PCDHA1: variants seen among roughly 807,000 people sequenced by gnomAD.
PCDHA1 encodes the protein protocadherin alpha-1.
PCDHA1 carries 42 observed loss-of-function variants against 61.3 expected under a neutral mutation model. That is an observed-to-expected ratio of 0.69 (90% CI 0.54 to 0.89). PCDHA1 has a LOEUF of 0.89. Among genes scored for constraint, PCDHA1 ranks in the 40% least tolerant of loss-of-function variants. The pLI, the probability that PCDHA1 is intolerant of heterozygous loss-of-function variation, is 0.00. For synonymous variants in PCDHA1, 610 were observed against 553.8 expected (o/e 1.10, Z -1.43); for missense variants, 1,256 against 1,235.3 (o/e 1.02, Z -0.25).
intron 1 of PCDHA1, chr5:140,870,869 T>C (rs371526005): frequency 8.1e-6 from 13 of 1,613,770 alleles, no homozygotes; most frequent in Non-Finnish European, 1.1e-5. Context: ...GCGGGCCACG[T>C]GGTGGCGAAG....
chr5:140,800,098 G>A (rs1249597216), intron 1 of PCDHA1, among the ~76,000 whole-genome samples: 2 of 152,118 alleles, frequency 1.3e-5, no homozygotes, highest in East Asian at 3.9e-4. Flanking sequence ...ATCAGGAGTG[G>A]AGATCATCAA....
In PCDHA1 at chr5:140,852,367, T is replaced by C. The variant is rs2150515720; in HGVS notation, c.2394+63683T>C. On this transcript the variant is annotated intron_variant, in intron 1 of 3. Transcript: ENST00000504120. Reference sequence around the variant, plus strand: ...ATCTTGGCTCACTGCAACGTCTGCCTCCTGGGTTCAAGCAATTCTCCTGCC... The same window carrying C: ...ATCTTGGCTCACTGCAACGTCTGCCCCCTGGGTTCAAGCAATTCTCCTGCC... 73 of 201,190 alleles carry C rather than the reference T, an allele frequency of 3.6e-4. 4 individuals are homozygous for C. The highest frequency in any genetic ancestry group is 6.9e-4 in the Non-Finnish European group (70 of 101,398). 12.5% of individuals were successfully genotyped at this position (201,190 alleles called of 1,614,324 possible).
intron 1 of PCDHA1, among the ~76,000 whole-genome samples, chr5:140,878,476 A>G (rs1037108551): frequency 6.6e-6 from 1 of 152,204 alleles, no homozygotes; most frequent in Admixed American, 6.5e-5. Flanking sequence ...TCATTTCTCA[A>G]TTTAAAAATA....
intron 1 of PCDHA1, chr5:140,823,729 G>A (rs1244512235): frequency 6.2e-7 from 1 of 1,613,780 alleles, no homozygotes; most frequent in Non-Finnish European, 8.5e-7. Flanking sequence ...GCTGGTGAAG[G>A]ACCATGGAGA....
In PCDHA1 at chr5:140,821,687, T is replaced by TA. The variant is rs1260014806; in HGVS notation, c.2394+33009dup. 1.9e-5 allele frequency: 26 copies of TA among 1,378,320 alleles called. No homozygotes were observed. In the Admixed American group the frequency reaches 5.5e-4, roughly 29 times the overall value. 85.4% of individuals were successfully genotyped at this position (1,378,320 alleles called of 1,614,324 possible). A position where few individuals can be genotyped will look rare whatever the true frequency, so the allele number is the denominator to read the frequency against. ...CAAGAAGCTCAGAAAGGCGATAATA[T>TA]AAAAAATATATAGTTAATTGGGAAT... On this transcript the variant is annotated intron_variant, in intron 1 of 3. Coordinates refer to ENST00000504120, the MANE Select transcript of PCDHA1 (RefSeq NM_018900.4).
At chr5:140,826,422 G>A (rs1768938309) in intron 1 of PCDHA1, among the ~76,000 whole-genome samples, 1 of 152,144 alleles carries the variant, frequency 6.6e-6, no homozygotes, top group Non-Finnish European at 1.5e-5. Flanking sequence ...TTTTAAGATA[G>A]AATTTCACAT....
rs1554119800 is a variant in PCDHA1 at position 140,796,266 on chromosome 5, A to C, written c.2394+7582A>C. 6 of 1,614,046 alleles carry C rather than the reference A, an allele frequency of 3.7e-6. No homozygotes were observed. The East Asian group carries it at 1.3e-4, about 36-fold the overall frequency. On this transcript the variant is annotated intron_variant, in intron 1 of 3. Coordinates refer to ENST00000504120, the MANE Select transcript of PCDHA1 (RefSeq NM_018900.4). The stretch of plus-strand genomic sequence containing the variant: ...CCGCACGGGACGGGGGCTCGCCTTC[A>C]CTGTGGGCCACCACCAGCGTGTCCA...
At chr5:140,843,133 C>G in intron 1 of PCDHA1, 1 of 1,595,974 alleles carries the variant, frequency 6.3e-7, no homozygotes, top group Non-Finnish European at 8.6e-7. Flanking sequence ...CGGGCTACAA[C>G]GCGTGGCTTT....
At chr5:140,952,098 C>T (rs1337442909) in intron 1 of PCDHA1, among the ~76,000 whole-genome samples, 2 of 152,108 alleles carry the variant, frequency 1.3e-5, no homozygotes, top group African/African-American at 4.8e-5. Flanking sequence ...ACATCCAGGG[C>T]ACACTCGTGT....
intron 1 of PCDHA1, chr5:140,821,835 T>C (rs11958868): frequency 0.54 from 871,475 of 1,613,990 alleles, 237,398 homozygotes; most frequent in African/African-American, 0.73. Context: ...GGCTTCTCCT[T>C]GCCTACTGGA....
chr5:140,850,423 C>T (rs782005281), intron 1 of PCDHA1: 4 of 1,597,882 alleles, frequency 2.5e-6, no homozygotes, highest in South Asian at 1.1e-5. Context: ...ACGGACGCAC[C>T]GCGCCAGCGC....
intron 1 of PCDHA1, among the ~76,000 whole-genome samples, chr5:140,964,874 A>C (rs1443431100): frequency 6.6e-6 from 1 of 152,178 alleles, no homozygotes; most frequent in East Asian, 1.9e-4. Flanking sequence ...GACAAATAAG[A>C]AGCAGCAGTG....
chr5:140,933,646 A>G (rs1459396156), intron 1 of PCDHA1, among the ~76,000 whole-genome samples: 16 of 152,120 alleles, frequency 1.1e-4, no homozygotes, highest in African/African-American at 3.9e-4. Flanking sequence ...AACAAGTTGG[A>G]AATCCTGTCT....
At chr5:140,793,609 G>A (rs1761793341) in intron 1 of PCDHA1, among the ~76,000 whole-genome samples, 1 of 152,198 alleles carries the variant, frequency 6.6e-6, no homozygotes, top group Non-Finnish European at 1.5e-5. Flanking sequence ...GACATGGTTA[G>A]AGTAACTGAA....
intron 1 of PCDHA1, chr5:140,807,638 C>G: frequency 6.2e-7 from 1 of 1,614,192 alleles, no homozygotes; most frequent in Non-Finnish European, 8.5e-7. Context: ...GCTTGACTCT[C>G]GGTTTCCACT....
intron 3 of PCDHA1, among the ~76,000 whole-genome samples, chr5:140,984,056 G>A (rs569184437): frequency 6.6e-6 from 1 of 152,318 alleles, no homozygotes; most frequent in African/African-American, 2.4e-5. Context: ...TGACAAATCT[G>A]TACCCTCAGT....
intron 1 of PCDHA1, chr5:140,809,586 A>T: frequency 1.3e-6 from 2 of 1,544,518 alleles, no homozygotes; most frequent in African/African-American, 2.8e-5. Context: ...AGTGTATAAC[A>T]TCCTTTTGTT....
intron 1 of PCDHA1, among the ~76,000 whole-genome samples, chr5:140,840,207 TA>T (rs1477576699): frequency 3.9e-5 from 6 of 151,970 alleles, no homozygotes; most frequent in African/African-American, 1.2e-4. Flanking sequence ...AAAGAAGTCA[TA>T]AAAATACATA....
chr5:140,917,324 C>CGGGGGGGGGGGGG (rs1299895515), intron 1 of PCDHA1, among the ~76,000 whole-genome samples: 2 of 76,122 alleles, frequency 2.6e-5, no homozygotes, highest in Admixed American at 1.5e-4. Context: ...GTTCATGTGG[C>CGGGGGGGGGGGGG]GGGGGAGGGG....
Sources: gnomAD v4.1 joint callset for allele counts (sites outside exome capture counted in the v4.1 genomes callset) on GRCh38, gnomAD v4.1.1 for gene constraint, MANE v1.5 for transcripts, NCBI Gene and HGNC (gene_info 2026-07-23, HGNC 2026-07-21) for gene names.